Variants in HS1BP3 observed in about 807,000 individuals in gnomAD.
The protein encoded by HS1BP3 is HCLS1-binding protein 3.
A neutral mutation model predicts 33.5 loss-of-function variants in HS1BP3; 32 were observed. The ratio of observed to expected loss-of-function variants is 0.95; its 90% CI spans 0.72 to 1.28. The LOEUF is 1.28. Among genes scored for constraint, HS1BP3 ranks in the 50% most tolerant of loss-of-function variants. The probability of loss-of-function intolerance (pLI) is 0.00; values close to 1 mark genes in which losing one functional copy is unlikely to be tolerated. For missense variants in HS1BP3, 486 were observed against 502.3 expected (o/e 0.97, Z 0.31); for synonymous variants, 187 against 209.2 (o/e 0.89, Z 0.92).
chr2:20,592,266 A>G (rs1693833488), downstream of HS1BP3, among the ~76,000 whole-genome samples: 1 of 152,174 alleles, frequency 6.6e-6, no homozygotes, highest in South Asian at 2.1e-4. Context: ...CAGAGGTTGC[A>G]TCACAAAATC....
intron 3 of HS1BP3, among the ~76,000 whole-genome samples, chr2:20,597,561 G>A (rs150045275): frequency 6.6e-6 from 1 of 151,988 alleles, no homozygotes; most frequent in African/African-American, 2.4e-5. Context: ...GAACATTAGA[G>A]TACCTCTGCC....
intron 5 of HS1BP3, among the ~76,000 whole-genome samples, chr2:20,569,821 T>C (rs1159743066): frequency 1.3e-5 from 2 of 152,168 alleles, no homozygotes; most frequent in African/African-American, 4.8e-5. Flanking sequence ...GCCTCACACA[T>C]TCCCTGAACC....
chr2:20,580,934 G>A (rs549142056), intron 5 of HS1BP3, among the ~76,000 whole-genome samples: 1 of 152,334 alleles, frequency 6.6e-6, no homozygotes, highest in Non-Finnish European at 1.5e-5. Flanking sequence ...CACGGATATT[G>A]GCCCAGACCC....
At chr2:20,637,028 G>GC (rs1553322958) in intron 4 of HS1BP3, 5 of 24,016 alleles carry the variant, frequency 2.1e-4, no homozygotes, top group African/African-American at 6.4e-4. Flanking sequence ...GGAGGGGGCT[G>GC]CCCCCGCCCC....
At chr2:20,612,899 C>A (rs1694343847), downstream of HS1BP3, among the ~76,000 whole-genome samples, 1 of 152,066 alleles carries the variant, frequency 6.6e-6, no homozygotes, top group Non-Finnish European at 1.5e-5. Context: ...AATCTATTTC[C>A]CAAAGTGCTG....
intron 5 of HS1BP3, among the ~76,000 whole-genome samples, chr2:20,571,378 A>T (rs181156783): frequency 1.3e-3 from 192 of 151,762 alleles, no homozygotes; most frequent in African/African-American, 4.6e-3. Context: ...CACCCCATGC[A>T]CCTCCAGACT....
intron 5 of HS1BP3, among the ~76,000 whole-genome samples, chr2:20,568,203 G>T (rs1315832654): frequency 6.6e-6 from 1 of 152,204 alleles, no homozygotes; most frequent in Non-Finnish European, 1.5e-5. Flanking sequence ...GAGGAGAAAG[G>T]TGGTGCTGGG....
intron 5 of HS1BP3, among the ~76,000 whole-genome samples, chr2:20,570,659 A>G (rs1183867323): frequency 6.6e-6 from 1 of 152,222 alleles, no homozygotes; most frequent in Non-Finnish European, 1.5e-5. Context: ...TGACAGAGCA[A>G]GAGGTGGTTC....
chr2:20,648,095 C>T (rs1039830311), intron 1 of HS1BP3, among the ~76,000 whole-genome samples: 1 of 152,222 alleles, frequency 6.6e-6, no homozygotes, highest in Admixed American at 6.5e-5. Context: ...GGCCCTCCCA[C>T]CTACTGAAGG....
In HS1BP3 at chr2:20,642,495, CG is replaced by C. The variant is rs774479107; in HGVS notation, c.199-1316del. Among the ~76,000 whole-genome samples, 4 of 152,226 alleles carry C rather than the reference CG, an allele frequency of 2.6e-5. No homozygotes were observed. In the East Asian group the frequency reaches 5.8e-4, roughly 22 times the overall value. ...AAGGCACACGGACCCCTTCCCAGAGCGATTGCTAACACAGGCTCCGACAGCA... is the reference window on the plus strand; with the variant it reads ...AAGGCACACGGACCCCTTCCCAGAGCATTGCTAACACAGGCTCCGACAGCA... On this transcript the variant is annotated intron_variant, in intron 2 of 6. Coordinates refer to ENST00000304031, the MANE Select transcript of HS1BP3 (RefSeq NM_022460.4).
At chr2:20,601,890 T>C (rs1235657314) in intron 2 of HS1BP3, among the ~76,000 whole-genome samples, 2 of 147,230 alleles carry the variant, frequency 1.4e-5, no homozygotes, top group African/African-American at 4.9e-5. Flanking sequence ...GCCATTCTCA[T>C]ATCTTGTAAG....
intron 3 of HS1BP3, chr2:20,640,140 A>G (rs1695293499): frequency 6.6e-6 from 1 of 152,278 alleles, no homozygotes. Context: ...AAGCAGACGG[A>G]TGTAAAGAGG....
At chr2:20,634,237 C>T (rs1485156527) in intron 4 of HS1BP3, among the ~76,000 whole-genome samples, 2 of 152,278 alleles carry the variant, frequency 1.3e-5, no homozygotes, top group Non-Finnish European at 2.9e-5. Flanking sequence ...CACCTGTTTC[C>T]TTTCTGGCAT....
At chr2:20,616,817 C>G (rs893942310), downstream of HS1BP3, among the ~76,000 whole-genome samples, 1 of 152,134 alleles carries the variant, frequency 6.6e-6, no homozygotes, top group Non-Finnish European at 1.5e-5. Context: ...AAAAGAACAT[C>G]ACTAACACAG....
At chr2:20,575,760 A>AC (rs58267147) in intron 5 of HS1BP3, among the ~76,000 whole-genome samples, 7 of 148,348 alleles carry the variant, frequency 4.7e-5, no homozygotes, top group African/African-American at 1.6e-4. Context: ...CCTTGGTTCC[A>AC]CCCCCCCCCC....
intron 4 of HS1BP3, among the ~76,000 whole-genome samples, chr2:20,631,789 G>T (rs1464419059): frequency 6.6e-6 from 1 of 152,072 alleles, no homozygotes; most frequent in African/African-American, 2.4e-5. Context: ...CACCACCAGG[G>T]AACCACGTGG....
intron 4 of HS1BP3, chr2:20,634,913 C>T (rs1695075474): frequency 6.6e-6 from 1 of 152,206 alleles, no homozygotes; most frequent in African/African-American, 2.4e-5. Flanking sequence ...GGAAGACCAG[C>T]TTTGCAGGCA....
intron 3 of HS1BP3, 124 bp downstream of exon 3, chr2:20,640,849 A>C (rs577517670): frequency 1.1e-6 from 1 of 940,656 alleles, no homozygotes; most frequent in Non-Finnish European, 1.7e-6. Flanking sequence ...CACCTGCCTC[A>C]CCAGCCTGGC....
chr2:20,597,851 T>A (rs1693978722), intron 3 of HS1BP3, among the ~76,000 whole-genome samples: 1 of 152,172 alleles, frequency 6.6e-6, no homozygotes, highest in Non-Finnish European at 1.5e-5. Context: ...CCCTTGCTGT[T>A]GTTTTCAAGA....
Sources: gnomAD v4.1 joint callset for allele counts (sites outside exome capture counted in the v4.1 genomes callset) on GRCh38, gnomAD v4.1.1 for gene constraint, MANE v1.5 for transcripts, NCBI Gene and HGNC (gene_info 2026-07-23, HGNC 2026-07-21) for gene names.